HNRNPH1: variants seen among roughly 807,000 people sequenced by gnomAD.
The protein encoded by HNRNPH1 is heterogeneous nuclear ribonucleoprotein H1, also known as heterogeneous nuclear ribonucleoprotein H.
HNRNPH1 carries 4 observed loss-of-function variants against 58.6 expected under a neutral mutation model. The observed-to-expected ratio is 0.07, with a 90% CI of 0.03 to 0.16. HNRNPH1 has a LOEUF of 0.16. Among genes scored for constraint, HNRNPH1 ranks in the 10% least tolerant of loss-of-function variants. The probability of loss-of-function intolerance (pLI) is 1.00; values close to 1 mark genes in which losing one functional copy is unlikely to be tolerated. For synonymous variants in HNRNPH1, 192 were observed against 189.2 expected, an observed-to-expected ratio of 1.01 and a Z score of -0.12; for missense variants, 271 against 564.2, an observed-to-expected ratio of 0.48 and a Z score of 5.26.
chr5:179,632,411 G>T (rs927139935), intron 2 of HNRNPH1, among the ~76,000 whole-genome samples: 1 of 152,254 alleles, frequency 6.6e-6, no homozygotes, highest in Admixed American at 6.5e-5. Context: ...CCGCCCTTGC[G>T]GCTGGGATCC....
At chr5:179,627,759 C>T (rs140831619), upstream of HNRNPH1, among the ~76,000 whole-genome samples, 480 of 151,134 alleles carry the variant, frequency 3.2e-3, 6 homozygotes, top group African/African-American at 0.011. Context: ...CTGTCTCTAC[C>T]AAAAATACAA....
chr5:179,623,206 C>A (rs1308857910), exon 1 of HNRNPH1: 2 of 1,148,398 alleles, frequency 1.7e-6, no homozygotes, highest in Admixed American at 1.9e-5. Context: ...GCCAATTAAG[C>A]TGTCCTTCGC....
At position 179,623,316 on chromosome 5, in the gene HNRNPH1, G is replaced by A. The variant is rs900637157; in HGVS notation, c.-183C>T. ...CCAACACCTCCTCGTCCGGCGACCGGACCCCCAAAGCTGTCCTGAGCAACA... is the reference window on the plus strand; with the variant it reads ...CCAACACCTCCTCGTCCGGCGACCGAACCCCCAAAGCTGTCCTGAGCAACA... On this transcript the variant is annotated 5_prime_UTR_variant, in exon 1 of 13. Transcript: ENST00000356731. The A allele has an allele frequency of 4.9e-5, 23 of 465,286 alleles. No homozygotes were observed. The Admixed American group carries it at 7.8e-4, about 16-fold the overall frequency. 28.8% of individuals were successfully genotyped at this position (465,286 alleles called of 1,614,324 possible). A position where few individuals can be genotyped will look rare whatever the true frequency, so the allele number is the denominator to read the frequency against.
At chr5:179,632,856 T>G (rs1479339057) in intron 2 of HNRNPH1, among the ~76,000 whole-genome samples, 1 of 134,476 alleles carries the variant, frequency 7.4e-6, no homozygotes, top group African/African-American at 2.8e-5. Flanking sequence ...GGCGAATTTT[T>G]TTTTTTTTTT....
chr5:179,632,037 C>T (rs892957991), intron 2 of HNRNPH1, among the ~76,000 whole-genome samples: 45 of 151,272 alleles, frequency 3.0e-4, no homozygotes, highest in African/African-American at 1.0e-3. Context: ...CCGGGCGCGG[C>T]GGCTCACGCC....
intron 4 of HNRNPH1, 188 bp downstream of exon 5, chr5:179,619,081 A>G (rs1037358053): frequency 1.3e-4 from 66 of 501,416 alleles, no homozygotes; most frequent in Admixed American, 3.3e-4. Flanking sequence ...CCAATTAACT[A>G]GGGACAAATT....
At chr5:179,621,708 G>C in intron 1 of HNRNPH1, 2 of 417,888 alleles carry the variant, frequency 4.8e-6, no homozygotes. Context: ...AGATTATCAA[G>C]CCTGGACTGT....
chr5:179,616,525 C>T (rs543586253), intron 10 of HNRNPH1: 2 of 514,032 alleles, frequency 3.9e-6, no homozygotes, highest in Non-Finnish European at 6.9e-6. Flanking sequence ...GTGGGTTCCC[C>T]CTCAGTTTGA....
Position 179,614,765 on chromosome 5 carries a change from A to G in HNRNPH1, c.*195T>C, listed in dbSNP as rs1019791242. 12 of 764,428 alleles carry G rather than the reference A, an allele frequency of 1.6e-5. No homozygotes were observed. In the East Asian group the frequency reaches 3.0e-4, roughly 19 times the overall value. 47.4% of individuals were successfully genotyped at this position (764,428 alleles called of 1,614,324 possible). ...ACAAGCTTGTATTGCAGAAACTGTT[A>G]AACTGAAGTTTTCTTAAAGAAAAAA... On this transcript the variant is annotated 3_prime_UTR_variant, in exon 13 of 13. Transcript: ENST00000356731.
chr5:179,632,496 C>T (rs1196994363), intron 2 of HNRNPH1, among the ~76,000 whole-genome samples: 2 of 152,192 alleles, frequency 1.3e-5, no homozygotes, highest in Admixed American at 6.5e-5. Flanking sequence ...GAGTCCGGCT[C>T]CACAACCACG....
chr5:179,626,269 C>CT (rs1203635211), upstream of HNRNPH1, among the ~76,000 whole-genome samples: 4 of 151,440 alleles, frequency 2.6e-5, no homozygotes, highest in Non-Finnish European at 5.9e-5. Flanking sequence ...CACCTGGCTA[C>CT]TTTTTTTTAA....
rs1769206153 is a variant in HNRNPH1 at position 179,615,713 on chromosome 5, A to G, written c.1301-118T>C. On this transcript the variant is annotated intron_variant, in intron 11 of 12. Coordinates refer to ENST00000356731, the Ensembl canonical transcript of HNRNPH1. ...AACTGACTAATAAATACGATCCTGA[A>G]CCCAACCACCATTCTACTATTTCAA... 2.5e-5 allele frequency: 14 copies of G among 569,208 alleles called. No individual in the cohort carries two copies. The Admixed American group carries it at 4.7e-4, about 19-fold the overall frequency. The allele number at this position is 569,208 out of a possible 1,614,324, so 35.3% of individuals were successfully genotyped here.
chr5:179,631,407 T>G (rs1288085305), intron 2 of HNRNPH1, among the ~76,000 whole-genome samples: 3 of 151,098 alleles, frequency 2.0e-5, no homozygotes, highest in Non-Finnish European at 4.4e-5. Context: ...AGGTCAGGAG[T>G]TCAAGACCAG....
Position 179,618,534 on chromosome 5 carries a change from A to C in HNRNPH1, c.537-211T>G, listed in dbSNP as rs954846123. ...TGTAAACTTTATAGAAAAAAAAAAAAAACTCACTCCTCTGAGGCAGAGCCC... is the reference window on the plus strand; with the variant it reads ...TGTAAACTTTATAGAAAAAAAAAAACAACTCACTCCTCTGAGGCAGAGCCC... On this transcript the variant is annotated intron_variant, in intron 4 of 12. Coordinates refer to ENST00000356731, the Ensembl canonical transcript of HNRNPH1. 3.5e-5 allele frequency: 15 copies of C among 427,780 alleles called. 1 individual carries two copies. The South Asian group carries it at 5.3e-4, about 15-fold the overall frequency. The allele number at this position is 427,780 out of a possible 1,614,324, so 26.5% of individuals were successfully genotyped here.
Position 179,621,504 on chromosome 5 carries a change from T to G in HNRNPH1, c.98-107A>C, listed in dbSNP as rs188119739. On this transcript the variant is annotated intron_variant, in intron 1 of 12. Transcript: ENST00000356731. Reference sequence around the variant, plus strand: ...TCCCCACTACAAATTACATAACTTGTGAAGCCTATATATACTGACCACGAT... The same window carrying G: ...TCCCCACTACAAATTACATAACTTGGGAAGCCTATATATACTGACCACGAT... The G allele has an allele frequency of 3.2e-6, 3 of 944,912 alleles. No homozygotes were observed. In the Admixed American group the frequency reaches 7.2e-5, roughly 23 times the overall value. 58.5% of individuals were successfully genotyped at this position (944,912 alleles called of 1,614,324 possible). A position where few individuals can be genotyped will look rare whatever the true frequency, so the allele number is the denominator to read the frequency against.
upstream of HNRNPH1, among the ~76,000 whole-genome samples, chr5:179,628,620 C>T (rs574633656): frequency 8.5e-5 from 13 of 152,224 alleles, no homozygotes; most frequent in African/African-American, 1.7e-4. Context: ...CATGAGCCAC[C>T]GCACCTGGCC....
chr5:179,630,264 G>A lies in HNRNPH1; in HGVS notation c.-32+3801C>T, dbSNP rs550362139. Among the ~76,000 whole-genome samples, 28 of 152,168 alleles carry A rather than the reference G, an allele frequency of 1.8e-4. 1 individual carries two copies. In the South Asian group the frequency reaches 3.7e-3, roughly 20 times the overall value. On this transcript the variant is annotated intron_variant, in intron 2 of 4. Transcript: ENST00000521116. ...CTTGGGAGGCTGAGGCAGGAGAATC[G>A]CTTGAATGTGGGAGGCGGCGGTCGT...
chr5:179,630,639 C>T (rs773634565), intron 2 of HNRNPH1, among the ~76,000 whole-genome samples: 4 of 151,642 alleles, frequency 2.6e-5, no homozygotes. Flanking sequence ...CGGCCTGACG[C>T]GGGGGCTCAC....
intron 2 of HNRNPH1, 61 bp from the exon 4 acceptor site, chr5:179,621,096 C>T: frequency 6.3e-7 from 1 of 1,578,638 alleles, no homozygotes; most frequent in Non-Finnish European, 8.7e-7. Flanking sequence ...TTCAGACTTC[C>T]TGGGTCTTTA....
Sources: allele counts gnomAD v4.1 joint callset (sites outside exome capture counted in the v4.1 genomes callset), GRCh38; gene constraint gnomAD v4.1.1; transcripts MANE v1.5; gene names NCBI Gene and HGNC (gene_info 2026-07-23, HGNC 2026-07-21).